The following TASP1 variants were observed in gnomAD, a reference collection of about 807,000 sequenced individuals.
TASP1 encodes taspase 1, also known as threonine aspartase 1.
A neutral mutation model predicts 56.6 loss-of-function variants in TASP1; 16 were observed. The observed-to-expected ratio is 0.28, with a 90% confidence interval of 0.19 to 0.43. The LOEUF is 0.43. Ranked by LOEUF, TASP1 falls within the 20% of genes least tolerant of loss-of-function variation. TASP1 has a pLI of 1.00. For missense variants in TASP1, 393 were observed against 511.6 expected, an observed-to-expected ratio of 0.77 and a Z score of 2.24; for synonymous variants, 179 against 184.2, an observed-to-expected ratio of 0.97 and a Z score of 0.23.
chr20:13,609,409 C>A (rs150248652), intron 4 of TASP1, among the ~76,000 whole-genome samples: 2,223 of 152,198 alleles, frequency 0.015, 28 homozygotes, highest in Non-Finnish European at 0.019. Context: ...ACAGGCCAAG[C>A]GCGGTGGCTC....
At chr20:13,359,417 G>A in the TASP1 span, among the ~76,000 whole-genome samples, 103 of 151,732 alleles carry the variant, frequency 6.8e-4, no homozygotes, top group African/African-American at 2.3e-3. Flanking sequence ...AGATCTTCTC[G>A]GCTTAGCAGC....
intron 10 of TASP1, among the ~76,000 whole-genome samples, chr20:13,527,452 A>G (rs6042200): frequency 0.011 from 1,695 of 152,256 alleles, 42 homozygotes; most frequent in African/African-American, 0.038. Context: ...ATGAAAAAGG[A>G]ATGAATCAAT....
intron 11 of TASP1, among the ~76,000 whole-genome samples, chr20:13,440,058 T>A (rs1443080506): frequency 6.6e-6 from 1 of 152,106 alleles, no homozygotes; most frequent in African/African-American, 2.4e-5. Flanking sequence ...AAAGATCACA[T>A]GGAAAGCAAT....
At chr20:13,360,669 G>T in the TASP1 span, among the ~76,000 whole-genome samples, 1 of 152,204 alleles carries the variant, frequency 6.6e-6, no homozygotes, top group African/African-American at 2.4e-5. Flanking sequence ...ACTCTCTAAA[G>T]TTCTCATAAC....
chr20:13,252,670 G>A, the TASP1 span, among the ~76,000 whole-genome samples: 5 of 151,964 alleles, frequency 3.3e-5, no homozygotes, highest in Admixed American at 6.6e-5. Context: ...CAGGAGAATC[G>A]CTTGAACACG....
At chr20:13,274,708 A>G in the TASP1 span, among the ~76,000 whole-genome samples, 1 of 124,388 alleles carries the variant, frequency 8.0e-6, no homozygotes, top group Non-Finnish European at 1.6e-5. Context: ...CTTGACTTTC[A>G]GGATAGGAAA....
At chr20:13,396,446 TGGGTGA>T (rs2041541279) in intron 13 of TASP1, among the ~76,000 whole-genome samples, 2 of 152,158 alleles carry the variant, frequency 1.3e-5, no homozygotes, top group African/African-American at 2.4e-5. Context: ...CCATTAACTA[TGGGTGA>T]AAAGATCTGG....
the TASP1 span, among the ~76,000 whole-genome samples, chr20:13,108,310 T>G: frequency 6.6e-6 from 1 of 152,222 alleles, no homozygotes; most frequent in Non-Finnish European, 1.5e-5. Flanking sequence ...AGAACTATCT[T>G]GTGGCCTCAT....
intron 8 of TASP1, among the ~76,000 whole-genome samples, chr20:13,558,309 G>C (rs2046231051): frequency 6.6e-6 from 1 of 152,064 alleles, no homozygotes; most frequent in Admixed American, 6.6e-5. Flanking sequence ...GAATGTTGTA[G>C]TTTTCAATTT....
At chr20:13,404,226 T>A (rs978231196) in intron 13 of TASP1, among the ~76,000 whole-genome samples, 1 of 152,176 alleles carries the variant, frequency 6.6e-6, no homozygotes, top group Non-Finnish European at 1.5e-5. Flanking sequence ...CAACATAACT[T>A]TGTGAACAAA....
At chr20:13,488,117 G>C (rs1321032584) in intron 10 of TASP1, among the ~76,000 whole-genome samples, 1 of 152,042 alleles carries the variant, frequency 6.6e-6, no homozygotes, top group African/African-American at 2.4e-5. Flanking sequence ...CATTTTGAAA[G>C]AGAGGAAAGA....
the TASP1 span, among the ~76,000 whole-genome samples, chr20:13,157,941 G>T: frequency 6.6e-6 from 1 of 152,160 alleles, no homozygotes; most frequent in Non-Finnish European, 1.5e-5. Flanking sequence ...TTCCTACTAT[G>T]CAGAATGAAA....
At chr20:13,288,491 G>T in the TASP1 span, 16 of 1,590,528 alleles carry the variant, frequency 1.0e-5, no homozygotes, top group Admixed American at 3.4e-5. Flanking sequence ...GGGGAGATTG[G>T]GAGACTCTTT....
In TASP1 at chr20:13,506,567, AG is replaced by A. The variant is rs1176995396; in HGVS notation, c.874+21865del. Among the ~76,000 whole-genome samples, 14 of 152,316 alleles carry A rather than the reference AG, an allele frequency of 9.2e-5. No individual in the cohort carries two copies. The East Asian group carries it at 2.5e-3, about 27-fold the overall frequency. On this transcript the variant is annotated intron_variant, in intron 10 of 13. Transcript: ENST00000337743. The stretch of plus-strand genomic sequence containing the variant: ...CCATGACCAAGTGAGATTTGTCTCC[AG>A]AATGTAAGGATGGCTCCCATATGCA...
the TASP1 span, among the ~76,000 whole-genome samples, chr20:13,276,738 C>T: frequency 0.014 from 2,090 of 152,266 alleles, 55 homozygotes; most frequent in African/African-American, 0.046. Flanking sequence ...TCTTTATCAA[C>T]GGATTCTTTG....
chr20:13,620,362 C>T (rs1181459053), intron 4 of TASP1, among the ~76,000 whole-genome samples: 1 of 151,690 alleles, frequency 6.6e-6, no homozygotes, highest in Non-Finnish European at 1.5e-5. Flanking sequence ...GAGTTAAGAA[C>T]GGTGTACTTT....
intron 7 of TASP1, among the ~76,000 whole-genome samples, chr20:13,560,620 G>A (rs2046313881): frequency 6.6e-6 from 1 of 152,020 alleles, no homozygotes; most frequent in Non-Finnish European, 1.5e-5. Flanking sequence ...AGAAGGTGGG[G>A]GGAAAAAACA....
At chr20:13,195,072 T>C in the TASP1 span, among the ~76,000 whole-genome samples, 1 of 152,124 alleles carries the variant, frequency 6.6e-6, no homozygotes, top group Non-Finnish European at 1.5e-5. Flanking sequence ...TTCTATAACA[T>C]ACGAATGGTA....
intron 8 of TASP1, among the ~76,000 whole-genome samples, chr20:13,546,967 C>A (rs1387064898): frequency 6.6e-6 from 1 of 152,052 alleles, no homozygotes; most frequent in Non-Finnish European, 1.5e-5. Flanking sequence ...ATGTTTGAAG[C>A]CCTTAAATAA....
Sources: gnomAD v4.1 joint callset for allele counts (sites outside exome capture counted in the v4.1 genomes callset) on GRCh38, gnomAD v4.1.1 for gene constraint, MANE v1.5 for transcripts, NCBI Gene and HGNC (gene_info 2026-07-23, HGNC 2026-07-21) for gene names.